Variants in ARMCX4 observed in about 807,000 individuals in gnomAD.
ARMCX4 encodes the protein armadillo repeat-containing X-linked protein 4.
In ARMCX4, 3 loss-of-function variants were observed where a neutral mutation model predicts 34.7. The ratio of observed to expected loss-of-function variants is 0.09; its 90% CI spans 0.04 to 0.22. The LOEUF is 0.22. Among genes scored for constraint, ARMCX4 ranks in the 10% least tolerant of loss-of-function variants. The pLI is 1.00. For missense variants in ARMCX4, 1,448 were observed against 1,720.8 expected (o/e 0.84, Z 2.81); for synonymous variants, 513 against 632.8 (o/e 0.81, Z 2.84).
chrX:101,459,301 A>G (rs1932494433), intron 4 of ARMCX4, among the ~76,000 whole-genome samples: 1 of 111,797 alleles, frequency 8.9e-6, no homozygotes. Context: ...TGGGCTCTTT[A>G]TTTAGCACCT....
At chrX:101,449,171 G>A (rs898332175), downstream of ARMCX4, among the ~76,000 whole-genome samples, 11 of 111,822 alleles carry the variant, frequency 9.8e-5, no homozygotes, top group African/African-American at 3.2e-4. Context: ...CTCCCAAAGT[G>A]CTGGGATTAC....
intron 4 of ARMCX4, among the ~76,000 whole-genome samples, chrX:101,476,694 T>G (rs1556004361): frequency 1.8e-5 from 2 of 111,472 alleles, no homozygotes; most frequent in Non-Finnish European, 3.8e-5. Context: ...AAACCTGGGA[T>G]GAGGTTAGAG....
At chrX:101,427,092 C>T (rs1271107763) in intron 2 of ARMCX4, among the ~76,000 whole-genome samples, 1 of 111,233 alleles carries the variant, frequency 9.0e-6, no homozygotes, top group African/African-American at 3.3e-5. Context: ...TTCCAATTTT[C>T]TATAGAGAGT....
chrX:101,444,278 T>A (rs1555997568), intron 3 of ARMCX4: 1 of 152,241 alleles, frequency 6.6e-6, no homozygotes, highest in African/African-American at 3.1e-5. Context: ...TTGACCAAAC[T>A]TTAATTGGGC....
chrX:101,482,403 T>A (rs998542619), upstream of ARMCX4, among the ~76,000 whole-genome samples: 1 of 110,618 alleles, frequency 9.0e-6, no homozygotes, highest in Non-Finnish European at 1.9e-5. Flanking sequence ...TTTCTTTTCT[T>A]TTCTTTTCAG....
chrX:101,525,407 C>A (rs1303808037), intron 11 of ARMCX4, among the ~76,000 whole-genome samples: 1 of 111,724 alleles, frequency 9.0e-6, no homozygotes, highest in Non-Finnish European at 1.9e-5. Context: ...CAGAGCGCCT[C>A]TTCTCCTCCA....
At chrX:101,461,263 T>C (rs1556001162) in intron 4 of ARMCX4, among the ~76,000 whole-genome samples, 1 of 111,653 alleles carries the variant, frequency 9.0e-6, no homozygotes, top group East Asian at 2.8e-4. Flanking sequence ...GCAACCACCA[T>C]CCTTTTCTCT....
intron 8 of ARMCX4, among the ~76,000 whole-genome samples, chrX:101,505,608 C>T (rs1934430379): frequency 9.0e-6 from 1 of 111,226 alleles, no homozygotes; most frequent in African/African-American, 3.3e-5. Flanking sequence ...CTGAGGAAGC[C>T]TAGTACATGT....
chrX:101,491,448 G>A lies in ARMCX4; in HGVS notation c.2859G>A (p.Val953=). 4 of 1,156,241 alleles carry A rather than the reference G, an allele frequency of 3.5e-6. No individual in the cohort carries two copies. Among genetic ancestry groups the A allele is most frequent in the Non-Finnish European group, 4.6e-6 (4 of 873,043 alleles). Residue 953 remains valine, a synonymous_variant, in exon 6 of 6, where the codon GTG becomes GTA. Coordinates refer to ENST00000423738, the MANE Select transcript of ARMCX4 (RefSeq NM_001256155.3). The stretch of plus-strand genomic sequence containing the variant: ...TGGGCTCTGTCCAGGTCCAGGTTGT[G>A]GCCAGTTTTCAGGGTGAGGTCTTGC... The part of the protein sequence containing the change: ...GIMGSVQVQV[V]ASFQGEVLPG...
intron 11 of ARMCX4, among the ~76,000 whole-genome samples, chrX:101,528,446 C>T (rs1397660241): frequency 9.0e-6 from 1 of 111,552 alleles, no homozygotes; most frequent in Non-Finnish European, 1.9e-5. Context: ...CCTCTCTCAC[C>T]ACTCCTATTC....
At chrX:101,527,994 A>T (rs1265580751) in intron 11 of ARMCX4, among the ~76,000 whole-genome samples, 1 of 112,056 alleles carries the variant, frequency 8.9e-6, no homozygotes, top group Non-Finnish European at 1.9e-5. Flanking sequence ...GGCCAACCTC[A>T]TCCTGATAAC....
chrX:101,480,925 C>A (rs997399006), upstream of ARMCX4, among the ~76,000 whole-genome samples: 1 of 111,349 alleles, frequency 9.0e-6, no homozygotes, highest in Non-Finnish European at 1.9e-5. Flanking sequence ...GAGTTCGAAA[C>A]CAACCTGGGC....
At chrX:101,484,911 A>C (rs1446167671), upstream of ARMCX4, among the ~76,000 whole-genome samples, 2 of 74,715 alleles carry the variant, frequency 2.7e-5, no homozygotes, top group African/African-American at 7.5e-5. Context: ...AAAGAATGTC[A>C]TATTAAAAGA....
At chrX:101,466,875 C>G (rs1308654666) in intron 4 of ARMCX4, among the ~76,000 whole-genome samples, 1 of 111,810 alleles carries the variant, frequency 8.9e-6, no homozygotes, top group Middle Eastern at 4.6e-3. Context: ...AAATTATACA[C>G]CAATAAACCT....
intron 2 of ARMCX4, among the ~76,000 whole-genome samples, chrX:101,436,120 A>T (rs1161146331): frequency 2.8e-5 from 3 of 108,760 alleles, no homozygotes; most frequent in Non-Finnish European, 5.8e-5. Context: ...TTGACTTGGC[A>T]ATGCAGGCTC....
intron 2 of ARMCX4, among the ~76,000 whole-genome samples, chrX:101,425,345 A>G (rs1555990746): frequency 9.1e-6 from 1 of 110,324 alleles, no homozygotes; most frequent in African/African-American, 3.3e-5. Flanking sequence ...CGGGGCAGAA[A>G]TCTAGAATGG....
intron 4 of ARMCX4, among the ~76,000 whole-genome samples, chrX:101,474,448 A>C (rs1383382836): frequency 3.7e-5 from 4 of 107,468 alleles, no homozygotes; most frequent in African/African-American, 1.4e-4. Context: ...AATCCTCCCT[A>C]ACTCATTTTA....
Position 101,494,636 on chromosome X carries a change from G to T in ARMCX4, c.6047G>T (p.Arg2016Ile), listed in dbSNP as rs1556011288. 8.7e-7 allele frequency: 1 copy of T among 1,154,045 alleles called. No individual in the cohort carries two copies. Among genetic ancestry groups the T allele is most frequent in the African/African-American group, 1.8e-5 (1 of 55,559 alleles). The change falls in exon 6 of 6, where the codon AGA (arginine) becomes ATA (isoleucine). Residue 2016 changes from arginine (R) to isoleucine (I), a missense_variant. Coordinates refer to ENST00000423738, the MANE Select transcript of ARMCX4 (RefSeq NM_001256155.3). ...AGCTTCCCAGTTGAAGATGAGTCCA[G>T]AAAACAAACCAGGACTGGGGAAAAA... ...EASFPVEDES[R>I]KQTRTGEKTR...
Position 101,468,644 on chromosome X carries a change from C to T in ARMCX4, c.-472-17379C>T, listed in dbSNP as rs551119390. On this transcript the variant is annotated intron_variant and NMD_transcript_variant, in intron 4 of 15. Coordinates refer to the ARMCX4 transcript ENST00000433011. ...TTCTTTTTTTTTTGAGATGGAGTCT[C>T]GCTCTGTCACCTAGGCTGGAGTGCA... Among the ~76,000 whole-genome samples the T allele has an allele frequency of 1.6e-4, 17 of 107,954 alleles. No homozygotes were observed. In the South Asian group the frequency reaches 1.7e-3, roughly 11 times the overall value. The allele number at this position is 107,954 out of a possible 115,157, so 93.7% of individuals were successfully genotyped here.
Sources: allele counts gnomAD v4.1 joint callset (sites outside exome capture counted in the v4.1 genomes callset), GRCh38; gene constraint gnomAD v4.1.1; transcripts MANE v1.5; gene names NCBI Gene and HGNC (gene_info 2026-07-23, HGNC 2026-07-21).